Variants in RANBP2 observed in about 807,000 individuals in gnomAD.
RANBP2 encodes the protein RAN binding protein 2.
In RANBP2, 57 loss-of-function variants were observed where a neutral mutation model predicts 303.6. That is an observed-to-expected ratio of 0.19 (90% CI 0.15 to 0.23). The LOEUF (loss-of-function observed/expected upper bound fraction) is 0.23. Ranked by LOEUF, RANBP2 falls within the 10% of genes least tolerant of loss-of-function variation. The probability of loss-of-function intolerance (pLI) is 1.00; values close to 1 mark genes in which losing one functional copy is unlikely to be tolerated. For missense variants in RANBP2, 3,138 were observed against 3,780.8 expected (o/e 0.83, Z 4.46); for synonymous variants, 1,167 against 1,301.5 (o/e 0.90, Z 2.23).
At chr2:109,174,159 A>C in the RANBP2 span, among the ~76,000 whole-genome samples, 11 of 152,372 alleles carry the variant, frequency 7.2e-5, no homozygotes, top group East Asian at 2.1e-3. Flanking sequence ...CAGAGGCTCC[A>C]GGATGTTGTG....
At chr2:108,770,568 C>G (rs1677426170) in intron 20 of RANBP2, among the ~76,000 whole-genome samples, 1 of 152,186 alleles carries the variant, frequency 6.6e-6, no homozygotes, top group Non-Finnish European at 1.5e-5. Flanking sequence ...CTTTAGTGAA[C>G]TGTGATCACA....
At chr2:109,305,707 G>A in the RANBP2 span, among the ~76,000 whole-genome samples, 6 of 152,342 alleles carry the variant, frequency 3.9e-5, no homozygotes, top group East Asian at 1.2e-3. Flanking sequence ...CTTCATGTGC[G>A]GTGTGTGGCT....
At chr2:108,727,501 C>T (rs13416247) in intron 1 of RANBP2, among the ~76,000 whole-genome samples, 6,508 of 151,552 alleles carry the variant, frequency 0.043, 462 homozygotes, top group African/African-American at 0.15. Context: ...TACTATTCAT[C>T]GTTTTGGACA....
chr2:109,275,673 G>T, the RANBP2 span, among the ~76,000 whole-genome samples: 2 of 152,176 alleles, frequency 1.3e-5, no homozygotes, highest in African/African-American at 2.4e-5. Flanking sequence ...TTGTCTGGAT[G>T]CTTGATTAGC....
the RANBP2 span, among the ~76,000 whole-genome samples, chr2:109,245,656 C>G: frequency 6.6e-6 from 1 of 152,144 alleles, no homozygotes; most frequent in Admixed American, 6.5e-5. Flanking sequence ...TGCTTCTTAT[C>G]CCTTGAACTG....
the RANBP2 span, among the ~76,000 whole-genome samples, chr2:109,401,696 G>A: frequency 6.6e-6 from 1 of 152,146 alleles, no homozygotes; most frequent in African/African-American, 2.4e-5. Flanking sequence ...TGAGATGTGG[G>A]CTCAGCACAC....
At chr2:109,589,145 TTTG>T in the RANBP2 span, among the ~76,000 whole-genome samples, 1 of 152,092 alleles carries the variant, frequency 6.6e-6, no homozygotes, top group Non-Finnish European at 1.5e-5. Context: ...TGTTTTGTTT[TTTG>T]TTTTTCTTTT....
At chr2:109,623,117 A>G in the RANBP2 span, among the ~76,000 whole-genome samples, 1 of 152,116 alleles carries the variant, frequency 6.6e-6, no homozygotes, top group African/African-American at 2.4e-5. Context: ...ACAGAGTGAA[A>G]CTCTGTCTCA....
chr2:109,485,526 C>G, the RANBP2 span, among the ~76,000 whole-genome samples: 1 of 152,230 alleles, frequency 6.6e-6, no homozygotes, highest in African/African-American at 2.4e-5. Flanking sequence ...GTTAAGGCCC[C>G]TAGAGGAGCC....
chr2:109,643,387 T>C, the RANBP2 span, among the ~76,000 whole-genome samples: 3 of 152,144 alleles, frequency 2.0e-5, no homozygotes, highest in Non-Finnish European at 4.4e-5. Context: ...TTAAGCATTA[T>C]AAGTCACAGG....
intron 21 of RANBP2, among the ~76,000 whole-genome samples, chr2:108,772,079 A>G (rs1677544261): frequency 6.6e-6 from 1 of 152,340 alleles, no homozygotes; most frequent in African/African-American, 2.4e-5. Context: ...TTGGATGGCT[A>G]ATGTGCCAGG....
chr2:109,498,114 C>T, the RANBP2 span, among the ~76,000 whole-genome samples: 1 of 152,318 alleles, frequency 6.6e-6, no homozygotes, highest in East Asian at 1.9e-4. Context: ...CACAGAGACG[C>T]TGAGCTGGGA....
the RANBP2 span, among the ~76,000 whole-genome samples, chr2:108,861,773 G>A: frequency 5.9e-5 from 9 of 152,206 alleles, no homozygotes; most frequent in South Asian, 8.3e-4. Flanking sequence ...GAGCCACCGC[G>A]CCCGGCCTAA....
chr2:109,698,363 G>T, the RANBP2 span, among the ~76,000 whole-genome samples: 2 of 151,742 alleles, frequency 1.3e-5, no homozygotes, highest in African/African-American at 4.8e-5. Flanking sequence ...CTACTCAGGA[G>T]GCTGAGGCAG....
chr2:108,820,830 AT>A, the RANBP2 span, among the ~76,000 whole-genome samples: 2 of 152,202 alleles, frequency 1.3e-5, no homozygotes, highest in South Asian at 4.1e-4. Context: ...CCCTATAAAA[AT>A]TACTAAAGAG....
chr2:109,267,856 A>G, the RANBP2 span, among the ~76,000 whole-genome samples: 43 of 152,296 alleles, frequency 2.8e-4, 1 homozygote, highest in East Asian at 7.8e-3. Context: ...CCTGCTGGAC[A>G]GAGGTTGCTT....
the RANBP2 span, among the ~76,000 whole-genome samples, chr2:109,351,628 A>G: frequency 1.3e-5 from 2 of 152,222 alleles, no homozygotes; most frequent in African/African-American, 4.8e-5. Flanking sequence ...TCCAGCTGGG[A>G]TGCTCAGGAA....
At chr2:109,573,110 T>C in the RANBP2 span, among the ~76,000 whole-genome samples, 2 of 152,162 alleles carry the variant, frequency 1.3e-5, no homozygotes, top group Non-Finnish European at 2.9e-5. Flanking sequence ...AAACCCTCTA[T>C]TTACATGGAT....
the RANBP2 span, among the ~76,000 whole-genome samples, chr2:109,069,087 A>G: frequency 6.6e-6 from 1 of 152,246 alleles, no homozygotes; most frequent in Admixed American, 6.5e-5. Context: ...CGTTTCACTG[A>G]ACAGCTTTTT....
Sources: allele counts gnomAD v4.1 joint callset (sites outside exome capture counted in the v4.1 genomes callset), GRCh38; gene constraint gnomAD v4.1.1; transcripts MANE v1.5; gene names NCBI Gene and HGNC (gene_info 2026-07-23, HGNC 2026-07-21).